PPP6R2: variants seen among roughly 807,000 people sequenced by gnomAD.
PPP6R2 encodes serine/threonine-protein phosphatase 6 regulatory subunit 2.
In PPP6R2, 62 loss-of-function variants were observed where a neutral mutation model predicts 100.2. The observed-to-expected ratio is 0.62, with a 90% CI of 0.50 to 0.76. The LOEUF (loss-of-function observed/expected upper bound fraction) is 0.76. Among genes scored for constraint, PPP6R2 ranks in the 30% least tolerant of loss-of-function variants. The pLI is 0.00. For missense variants in PPP6R2, 1,142 were observed against 1,276.3 expected, an observed-to-expected ratio of 0.89 and a Z score of 1.60; for synonymous variants, 525 against 514.7, an observed-to-expected ratio of 1.02 and a Z score of -0.27.
In PPP6R2 at chr22:50,404,181, G is replaced by A. The variant is rs1014087485; in HGVS notation, c.228-2508G>A. 1.4e-4 allele frequency among the ~76,000 whole-genome samples: 21 copies of A among 148,716 alleles called. No individual in the cohort carries two copies. The East Asian group carries it at 3.9e-3, about 28-fold the overall frequency. ...TTGATCTCATCTCACTGCAACCTCT[G>A]CCTCCCAGGTTCAAGTGATTCTCCT... is the stretch of plus-strand genomic sequence containing the variant. On this transcript the variant is annotated intron_variant, in intron 3 of 23. Coordinates refer to ENST00000612753, the MANE Select transcript of PPP6R2 (RefSeq NM_001242898.2).
At chr22:50,418,342 G>A (rs1309672348) in intron 6 of PPP6R2, among the ~76,000 whole-genome samples, 3 of 151,986 alleles carry the variant, frequency 2.0e-5, no homozygotes, top group Non-Finnish European at 4.4e-5. Flanking sequence ...GCTGTTGTCT[G>A]GAATCTTTCT....
At chr22:50,414,240 T>C (rs1251430531) in intron 4 of PPP6R2, among the ~76,000 whole-genome samples, 2 of 149,688 alleles carry the variant, frequency 1.3e-5, no homozygotes, top group Non-Finnish European at 3.0e-5. Flanking sequence ...CCAGTAGGTA[T>C]TGGATGGCAG....
Position 50,444,553 on chromosome 22 carries a change from G to A in PPP6R2, c.*306G>A, listed in dbSNP as rs553606810. On this transcript the variant is annotated 3_prime_UTR_variant, in exon 24 of 24. Transcript: ENST00000612753. ...GTGGGGGTGGGGGTGGGGGGGGCAG[G>A]ACCCTGAGATGCCACCAGGACCTGA... The A allele has an allele frequency of 2.6e-4, 95 of 367,146 alleles. No homozygotes were observed. The highest frequency in any genetic ancestry group is 1.9e-3 in the African/African-American group (87 of 46,004). 22.7% of individuals were successfully genotyped at this position (367,146 alleles called of 1,614,324 possible).
Position 50,423,164 on chromosome 22 carries a change from C to T in PPP6R2, c.973-298C>T, listed in dbSNP as rs2061560811. Among the ~76,000 whole-genome samples the T allele has an allele frequency of 6.6e-6, 1 of 152,140 alleles. No homozygotes were observed. The highest frequency in any genetic ancestry group is 1.5e-5 in the Non-Finnish European group (1 of 68,016). On this transcript the variant is annotated intron_variant, in intron 9 of 23. Coordinates refer to ENST00000612753, the MANE Select transcript of PPP6R2 (RefSeq NM_001242898.2). This position sits in a 1 kb window ranked among gnomAD's most constrained non-coding sequence, Gnocchi z 4.8. Reference sequence around the variant, plus strand: ...CTGGCCTTAGACCGGTACTGCTGGCCCCATCTTGGACATCTCACCCGCTGA... The same window carrying T: ...CTGGCCTTAGACCGGTACTGCTGGCTCCATCTTGGACATCTCACCCGCTGA...
At chr22:50,399,381 G>A (rs927578660) in intron 3 of PPP6R2, among the ~76,000 whole-genome samples, 6 of 152,330 alleles carry the variant, frequency 3.9e-5, no homozygotes, top group Admixed American at 6.5e-5. Flanking sequence ...TAAACAAATG[G>A]ATGGGGCTAC....
At chr22:50,377,508 A>G (rs1326572088) in intron 2 of PPP6R2, among the ~76,000 whole-genome samples, 1 of 152,134 alleles carries the variant, frequency 6.6e-6, no homozygotes, top group African/African-American at 2.4e-5. Context: ...TGAAGTGAAA[A>G]TCAGTGAACC....
Position 50,431,575 on chromosome 22 carries a change from A to C in PPP6R2, c.1335+193A>C, listed in dbSNP as rs548550939. 3.0e-4 allele frequency among the ~76,000 whole-genome samples: 45 copies of C among 152,180 alleles called. No homozygotes were observed. The highest frequency in any genetic ancestry group is 5.4e-4 in the Non-Finnish European group (37 of 67,994). Reference sequence around the variant, plus strand: ...AGTGGGTCTTGCAGATCTCATTCCTACCTGCCTTCAGCAGGGGTACTGGTG... The same window carrying C: ...AGTGGGTCTTGCAGATCTCATTCCTCCCTGCCTTCAGCAGGGGTACTGGTG... On this transcript the variant is annotated intron_variant, in intron 11 of 23. Transcript: ENST00000612753. The surrounding 1 kb of genome is among the most constrained non-coding windows in gnomAD (Gnocchi z 4.8).
chr22:50,407,308 C>G, intron 4 of PPP6R2: 1 of 183,580 alleles, frequency 5.4e-6, no homozygotes, highest in Non-Finnish European at 1.2e-5. Context: ...GATCGTACCA[C>G]TGCACTCCAG....
chr22:50,366,610 A>C (rs28858209), intron 1 of PPP6R2, among the ~76,000 whole-genome samples: 32,733 of 151,934 alleles, frequency 0.22, 5,102 homozygotes, highest in African/African-American at 0.44. Context: ...GGCCCCTCTC[A>C]TCTTTTTGAG....
intron 1 of PPP6R2, among the ~76,000 whole-genome samples, chr22:50,347,316 T>C (rs1319792974): frequency 6.6e-6 from 1 of 152,128 alleles, no homozygotes; most frequent in Non-Finnish European, 1.5e-5. Context: ...GAACTTTCAG[T>C]GCCCGCTGTC....
intron 1 of PPP6R2, among the ~76,000 whole-genome samples, chr22:50,347,906 C>T (rs1476758603): frequency 1.3e-5 from 2 of 152,066 alleles, no homozygotes; most frequent in African/African-American, 2.4e-5. Context: ...TTATTTTTTA[C>T]TTTAAAATGT....
chr22:50,377,624 C>G (rs1254853933), intron 2 of PPP6R2, among the ~76,000 whole-genome samples: 3 of 152,200 alleles, frequency 2.0e-5, no homozygotes, highest in Non-Finnish European at 2.9e-5. Flanking sequence ...TGGATGTTTA[C>G]TTAATGTTCT....
In PPP6R2 at chr22:50,444,898, G is replaced by C. The variant is rs2066686497; in HGVS notation, c.*651G>C. ...GGGTGCCTGGCAGGGGGAGACCACA[G>C]GTATGCAGGTGGGGGGACATGGTGT... On this transcript the variant is annotated 3_prime_UTR_variant, in exon 24 of 24. Coordinates refer to ENST00000612753, the MANE Select transcript of PPP6R2 (RefSeq NM_001242898.2). 1 of 153,138 alleles carries C rather than the reference G, an allele frequency of 6.5e-6. No homozygotes were observed. Among genetic ancestry groups the C allele is most frequent in the African/African-American group, 2.4e-5 (1 of 41,434 alleles). The allele number at this position is 153,138 out of a possible 1,614,324, so 9.5% of individuals were successfully genotyped here.
chr22:50,427,598 G>A (rs1318464054), intron 10 of PPP6R2, among the ~76,000 whole-genome samples: 1 of 152,140 alleles, frequency 6.6e-6, no homozygotes, highest in Non-Finnish European at 1.5e-5. Flanking sequence ...TGTTGCCCAG[G>A]CTGGAGTGCA....
chr22:50,349,055 CATG>C (rs1408973566), intron 1 of PPP6R2, among the ~76,000 whole-genome samples: 1 of 151,678 alleles, frequency 6.6e-6, no homozygotes, highest in Non-Finnish European at 1.5e-5. Flanking sequence ...ACTAGCCAGG[CATG>C]GTGGTGGGCG....
chr22:50,419,227 G>A, intron 7 of PPP6R2, 122 bp from the exon 8 acceptor site: 1 of 894,524 alleles, frequency 1.1e-6, no homozygotes, highest in South Asian at 1.6e-5. Context: ...CTGGCGCCTT[G>A]CCTTGAGCCT....
chr22:50,439,944 C>T lies in PPP6R2; in HGVS notation c.2286-17C>T, dbSNP rs780149254. On this transcript the variant is annotated splice_polypyrimidine_tract_variant and intron_variant, in intron 20 of 23. Transcript: ENST00000612753. ...CCTGTCCCCCAGGACTGATCCTGTC[C>T]TCGTCCTTGTATGCAGCTCCGAGTC... The T allele has an allele frequency of 3.7e-6, 6 of 1,612,780 alleles. No homozygotes were observed. Among genetic ancestry groups the T allele is most frequent in the Non-Finnish European group, 4.2e-6 (5 of 1,179,348 alleles).
intron 1 of PPP6R2, among the ~76,000 whole-genome samples, chr22:50,355,280 T>G (rs544887999): frequency 6.8e-6 from 1 of 146,112 alleles, no homozygotes; most frequent in African/African-American, 2.5e-5. Context: ...CTCTGTAGCC[T>G]AGGCTGGAGT....
In PPP6R2 at chr22:50,343,357, C is replaced by G. The variant is rs1329582253; in HGVS notation, c.-341C>G. ...CATTTTGGAGCGATCGGAGTGCCGCCCGCGGCCCCGAGTCGGTCTCGAGCC... is the reference window on the plus strand; with the variant it reads ...CATTTTGGAGCGATCGGAGTGCCGCGCGCGGCCCCGAGTCGGTCTCGAGCC... On this transcript the variant is annotated 5_prime_UTR_variant, in exon 1 of 24. Coordinates refer to ENST00000612753, the MANE Select transcript of PPP6R2 (RefSeq NM_001242898.2). 1 of 150,968 alleles carries G rather than the reference C, an allele frequency of 6.6e-6. No individual in the cohort carries two copies. The allele number at this position is 150,968 out of a possible 1,614,324, so 9.4% of individuals were successfully genotyped here. A position where few individuals can be genotyped will look rare whatever the true frequency, so the allele number is the denominator to read the frequency against.
Sources: allele counts gnomAD v4.1 joint callset (sites outside exome capture counted in the v4.1 genomes callset), GRCh38; gene constraint gnomAD v4.1.1; non-coding constraint Gnocchi (gnomAD v3.1); transcripts MANE v1.5; gene names NCBI Gene and HGNC (gene_info 2026-07-23, HGNC 2026-07-21).